CSNK1G1: variants seen among roughly 807,000 people sequenced by gnomAD.
CSNK1G1 encodes the protein casein kinase 1 gamma 1.
Under a neutral mutation model 59.6 loss-of-function variants are expected in CSNK1G1, and 22 were observed. That is an observed-to-expected ratio of 0.37 (90% CI 0.26 to 0.53). The LOEUF is 0.53. Ranked by LOEUF, CSNK1G1 falls within the 20% of genes least tolerant of loss-of-function variation. The pLI is 0.89. For synonymous variants in CSNK1G1, 179 were observed against 177.1 expected (o/e 1.01, Z -0.08); for missense variants, 384 against 519.5 (o/e 0.74, Z 2.54).
In CSNK1G1 at chr15:64,214,182, A is replaced by G. The variant is rs2082282558; in HGVS notation, c.445-58T>C. ...AAGAAGTATATCAGGAAAATACATC[A>G]AAACAGTTTCTTTAGCCAGACCAAG... On this transcript the variant is annotated intron_variant, in intron 5 of 11. Coordinates refer to ENST00000303052, the MANE Select transcript of CSNK1G1 (RefSeq NM_022048.5). The surrounding 1 kb of genome is among the most constrained non-coding windows in gnomAD (Gnocchi z 4.3). The G allele has an allele frequency of 7.9e-7, 1 of 1,260,044 alleles. No individual in the cohort carries two copies. Among genetic ancestry groups the G allele is most frequent in the South Asian group, 1.2e-5 (1 of 81,834 alleles). 78.1% of individuals were successfully genotyped at this position (1,260,044 alleles called of 1,614,324 possible).
chr15:64,204,298 G>A, intron 9 of CSNK1G1, 143 bp downstream of exon 9: 2 of 619,694 alleles, frequency 3.2e-6, no homozygotes, highest in Non-Finnish European at 5.0e-6. Context: ...CCCAGACAAG[G>A]CTAGTAAATA....
intron 2 of CSNK1G1, among the ~76,000 whole-genome samples, chr15:64,277,680 T>C (rs1314641765): frequency 7.4e-6 from 1 of 134,512 alleles, no homozygotes; most frequent in East Asian, 2.1e-4. Context: ...TTTAATAATA[T>C]AGCAATATTG....
intron 10 of CSNK1G1, among the ~76,000 whole-genome samples, chr15:64,180,918 T>C (rs1370012014): frequency 6.6e-6 from 1 of 152,240 alleles, no homozygotes; most frequent in Non-Finnish European, 1.5e-5. Context: ...TAAAATCACT[T>C]GGCTCCCTTG....
chr15:64,231,087 G>A (rs1429802517), intron 4 of CSNK1G1, among the ~76,000 whole-genome samples: 1 of 151,764 alleles, frequency 6.6e-6, no homozygotes, highest in Non-Finnish European at 1.5e-5. Flanking sequence ...AGCACTTTGG[G>A]AGGCTGAGGC....
chr15:64,248,314 A>G (rs893633843), intron 4 of CSNK1G1, among the ~76,000 whole-genome samples: 4 of 152,230 alleles, frequency 2.6e-5, no homozygotes, highest in Non-Finnish European at 5.9e-5. Flanking sequence ...TTTCTTGTCA[A>G]TTGATCTTCT....
At chr15:64,189,406 T>C (rs1386215710) in intron 10 of CSNK1G1, 2 of 1,285,482 alleles carry the variant, frequency 1.6e-6, no homozygotes, top group Non-Finnish European at 2.0e-6. Flanking sequence ...AAGAATCTGT[T>C]TAGGTGCCTC....
At chr15:64,284,896 C>A (rs1481961678) in intron 2 of CSNK1G1, among the ~76,000 whole-genome samples, 4 of 151,960 alleles carry the variant, frequency 2.6e-5, no homozygotes, top group African/African-American at 4.8e-5. Context: ...AATTCTAATT[C>A]ATATTACTGT....
intron 10 of CSNK1G1, among the ~76,000 whole-genome samples, chr15:64,202,283 C>CA (rs1286515777): frequency 1.3e-5 from 2 of 152,140 alleles, no homozygotes; most frequent in African/African-American, 4.8e-5. Context: ...AAGTACCTAC[C>CA]ATTCTTAACC....
At chr15:64,221,945 T>G (rs539448041) in intron 4 of CSNK1G1, among the ~76,000 whole-genome samples, 2 of 152,278 alleles carry the variant, frequency 1.3e-5, no homozygotes, top group African/African-American at 4.8e-5. Flanking sequence ...CAAAGGAATA[T>G]AAATCATTCT....
rs1005506289 is a variant in CSNK1G1 at position 64,197,943 on chromosome 15, C to G, written c.1107+5139G>C. ...AAACATTTGTTGTTGATCATATATT[C>G]TTCTGCTTGGAATGCCTCTTCCATC... is the stretch of plus-strand genomic sequence containing the variant. On this transcript the variant is annotated intron_variant, in intron 10 of 11. Transcript: ENST00000303052. Among the ~76,000 whole-genome samples the G allele has an allele frequency of 5.3e-5, 8 of 152,012 alleles. 1 individual carries two copies. The highest frequency in any genetic ancestry group is 1.7e-4 in the African/African-American group (7 of 41,492).
chr15:64,283,909 A>C (rs1894273958), intron 2 of CSNK1G1, among the ~76,000 whole-genome samples: 1 of 152,180 alleles, frequency 6.6e-6, no homozygotes, highest in Non-Finnish European at 1.5e-5. Flanking sequence ...TCCACTGGCA[A>C]ATATGAGGGC....
In CSNK1G1 at chr15:64,190,148, G is replaced by A. The variant is rs575678116; in HGVS notation, c.1108-9694C>T. 8.6e-5 allele frequency among the ~76,000 whole-genome samples: 13 copies of A among 152,010 alleles called. 1 individual carries two copies. The South Asian group carries it at 1.7e-3, about 19-fold the overall frequency. On this transcript the variant is annotated intron_variant, in intron 10 of 11. Coordinates refer to ENST00000303052, the MANE Select transcript of CSNK1G1 (RefSeq NM_022048.5). ...TTACTCCTTTTTATTAATGGAATAC[G>A]AAGTCATATGGACAAGAGTATTATA...
At chr15:64,281,193 C>T (rs1566932220) in intron 2 of CSNK1G1, among the ~76,000 whole-genome samples, 1 of 152,130 alleles carries the variant, frequency 6.6e-6, no homozygotes, top group Non-Finnish European at 1.5e-5. Context: ...GAAGGAAATT[C>T]TGATACATAC....
At chr15:64,337,064 C>A (rs1266409324) in intron 1 of CSNK1G1, among the ~76,000 whole-genome samples, 1 of 151,894 alleles carries the variant, frequency 6.6e-6, no homozygotes, top group African/African-American at 2.4e-5. Flanking sequence ...CCCATCTCTA[C>A]TAAAAATACA....
Position 64,176,330 on chromosome 15 carries a change from AAGAG to A in CSNK1G1, c.1214+4014_1214+4017del, listed in dbSNP as rs1012019314. The A allele has an allele frequency of 2.5e-6, 1 of 398,470 alleles. No homozygotes were observed. Among genetic ancestry groups the A allele is most frequent in the African/African-American group, 2.1e-5 (1 of 48,640 alleles). 24.7% of individuals were successfully genotyped at this position (398,470 alleles called of 1,614,324 possible). On this transcript the variant is annotated intron_variant, in intron 11 of 11. Transcript: ENST00000303052. This position sits in a 1 kb window ranked among gnomAD's most constrained non-coding sequence, Gnocchi z 5.2. The stretch of plus-strand genomic sequence containing the variant: ...AAAAACACAGAAAGGAAGAGAGAGA[AAGAG>A]AGAGATATTAGTCCACAGAGGTGAA...
chr15:64,172,030 C>G (rs749172002), intron 11 of CSNK1G1, 45 bp from the exon 12 acceptor site: 1 of 1,570,378 alleles, frequency 6.4e-7, no homozygotes, highest in Non-Finnish European at 8.8e-7. Flanking sequence ...AGGCCTGCAG[C>G]TTCCAGCAGA....
At chr15:64,204,791 C>G in intron 8 of CSNK1G1, 74 bp downstream of exon 8, 2 of 1,163,070 alleles carry the variant, frequency 1.7e-6, no homozygotes, top group South Asian at 1.3e-5. Flanking sequence ...GCACCCCTAT[C>G]TAGAGATACC....
chr15:64,319,570 G>T (rs1321749315), intron 1 of CSNK1G1, among the ~76,000 whole-genome samples: 1 of 152,030 alleles, frequency 6.6e-6, no homozygotes, highest in East Asian at 1.9e-4. Context: ...TTTTGAGATG[G>T]AGTCTCCCTC....
intron 1 of CSNK1G1, among the ~76,000 whole-genome samples, chr15:64,302,044 T>A (rs1394544030): frequency 6.6e-6 from 1 of 152,218 alleles, no homozygotes; most frequent in African/African-American, 2.4e-5. Context: ...TAAAAAGCTG[T>A]CAGCTGACTG....
Sources: gnomAD v4.1 joint callset for allele counts (sites outside exome capture counted in the v4.1 genomes callset) on GRCh38, gnomAD v4.1.1 for gene constraint, Gnocchi (gnomAD v3.1) non-coding constraint, MANE v1.5 for transcripts, NCBI Gene and HGNC (gene_info 2026-07-23, HGNC 2026-07-21) for gene names.